The following FAM227B variants were observed in gnomAD, a reference collection of about 807,000 sequenced individuals.
FAM227B encodes the protein protein FAM227B.
FAM227B carries 88 observed loss-of-function variants against 73.8 expected under a neutral mutation model. The ratio of observed to expected loss-of-function variants is 1.19; its 90% CI spans 1.00 to 1.42. The LOEUF (loss-of-function observed/expected upper bound fraction) is 1.42. Among genes scored for constraint, FAM227B ranks in the 40% most tolerant of loss-of-function variants. The pLI, the probability that FAM227B is intolerant of heterozygous loss-of-function variation, is 0.00. For synonymous variants in FAM227B, 210 were observed against 190.5 expected, an observed-to-expected ratio of 1.10 and a Z score of -0.84; for missense variants, 632 against 590.9, an observed-to-expected ratio of 1.07 and a Z score of -0.72.
intron 10 of FAM227B, among the ~76,000 whole-genome samples, chr15:49,522,043 G>A (rs2059827354): frequency 6.6e-6 from 1 of 152,186 alleles, no homozygotes; most frequent in African/African-American, 2.4e-5. Flanking sequence ...AGCACACCAT[G>A]CTAGGGCAGG....
chr15:49,515,929 G>T (rs2059346646), intron 10 of FAM227B, among the ~76,000 whole-genome samples: 1 of 152,096 alleles, frequency 6.6e-6, no homozygotes, highest in Non-Finnish European at 1.5e-5. Flanking sequence ...TCAGCTCAGT[G>T]ATGGGCTATG....
intron 15 of FAM227B, chr15:49,329,166 G>A: frequency 1.0e-6 from 1 of 987,232 alleles, no homozygotes; most frequent in African/African-American, 1.7e-5. Context: ...ATGCAGGTAT[G>A]TGGGTGAAAG....
At chr15:49,613,007 A>G (rs1427990587) in intron 2 of FAM227B, among the ~76,000 whole-genome samples, 1 of 152,056 alleles carries the variant, frequency 6.6e-6, no homozygotes, top group Non-Finnish European at 1.5e-5. Flanking sequence ...GAGGCCGAGA[A>G]GGGTAGTGGG....
At chr15:49,583,251 G>C (rs2075928540) in intron 5 of FAM227B, among the ~76,000 whole-genome samples, 1 of 150,870 alleles carries the variant, frequency 6.6e-6, no homozygotes, top group African/African-American at 2.4e-5. Flanking sequence ...TAATAAAGAG[G>C]AAAACAGAGA....
chr15:49,341,996 T>C (rs1000598136), intron 13 of FAM227B, among the ~76,000 whole-genome samples: 8 of 152,094 alleles, frequency 5.3e-5, no homozygotes, highest in African/African-American at 1.9e-4. Context: ...ATGATAGCAA[T>C]GTATTTTCTG....
chr15:49,392,809 G>A (rs8030457), intron 11 of FAM227B, among the ~76,000 whole-genome samples: 24,645 of 152,136 alleles, frequency 0.16, 2,318 homozygotes, highest in Non-Finnish European at 0.21. Flanking sequence ...CTCTTAATGA[G>A]CCTAATTATT....
At chr15:49,535,380 A>C (rs2152245478) in intron 10 of FAM227B, among the ~76,000 whole-genome samples, 1 of 151,920 alleles carries the variant, frequency 6.6e-6, no homozygotes, top group African/African-American at 2.4e-5. Flanking sequence ...AGGAAGAAAT[A>C]GGAAGCTGGA....
chr15:49,389,915 G>C (rs1334295477), intron 11 of FAM227B, among the ~76,000 whole-genome samples: 1 of 151,958 alleles, frequency 6.6e-6, no homozygotes, highest in Admixed American at 6.6e-5. Context: ...ATCGTGCAAT[G>C]TCATAGACTC....
intron 11 of FAM227B, among the ~76,000 whole-genome samples, chr15:49,496,753 T>C (rs1365407126): frequency 6.6e-6 from 1 of 152,186 alleles, no homozygotes; most frequent in Non-Finnish European, 1.5e-5. Context: ...AAATATGTTT[T>C]AGATTAGAAG....
intron 13 of FAM227B, among the ~76,000 whole-genome samples, chr15:49,338,475 G>C (rs141541425): frequency 7.9e-5 from 12 of 152,318 alleles, no homozygotes; most frequent in African/African-American, 2.9e-4. Flanking sequence ...CTGGTTTGTA[G>C]GGTTTCTGCA....
intron 11 of FAM227B, among the ~76,000 whole-genome samples, chr15:49,382,247 A>C (rs1199019404): frequency 1.3e-5 from 2 of 152,086 alleles, no homozygotes; most frequent in Non-Finnish European, 2.9e-5. Context: ...GTATAAAACA[A>C]TAATGATTGA....
chr15:49,617,776 T>TTGTGTGTG (rs67917912), intron 1 of FAM227B, among the ~76,000 whole-genome samples: 66 of 148,210 alleles, frequency 4.5e-4, no homozygotes, highest in East Asian at 1.6e-3. Flanking sequence ...CTTTCATGTT[T>TTGTGTGTG]TGTGTGTGTG....
chr15:49,388,590 C>G (rs1363387564), intron 11 of FAM227B, among the ~76,000 whole-genome samples: 1 of 151,852 alleles, frequency 6.6e-6, no homozygotes, highest in Admixed American at 6.6e-5. Context: ...GAATTTATAA[C>G]AAAGATCCCA....
intron 11 of FAM227B, among the ~76,000 whole-genome samples, chr15:49,463,983 C>A (rs2054040814): frequency 6.6e-6 from 1 of 151,960 alleles, no homozygotes; most frequent in Non-Finnish European, 1.5e-5. Context: ...TAAAGCTGAT[C>A]TTTTTCATTG....
chr15:49,521,387 A>G (rs1443244033), intron 10 of FAM227B, among the ~76,000 whole-genome samples: 1 of 152,194 alleles, frequency 6.6e-6, no homozygotes, highest in East Asian at 1.9e-4. Context: ...GAAAGGGGCA[A>G]TGTTGTTCTG....
At chr15:49,349,272 C>A (rs1365213549) in intron 13 of FAM227B, among the ~76,000 whole-genome samples, 3 of 152,056 alleles carry the variant, frequency 2.0e-5, no homozygotes, top group African/African-American at 4.8e-5. Flanking sequence ...AAACAAAACT[C>A]CTTTGTTCAT....
intron 3 of FAM227B, among the ~76,000 whole-genome samples, chr15:49,603,544 G>A (rs1269816760): frequency 6.6e-6 from 1 of 152,006 alleles, no homozygotes; most frequent in Non-Finnish European, 1.5e-5. Context: ...AAGTCTTTAG[G>A]TTTTTCCAAA....
chr15:49,481,994 G>C (rs1423029985), intron 11 of FAM227B, among the ~76,000 whole-genome samples: 1 of 152,054 alleles, frequency 6.6e-6, no homozygotes, highest in African/African-American at 2.4e-5. Context: ...AAATAAATAA[G>C]AGAATGAAGT....
chr15:49,473,944 T>G lies in FAM227B; in HGVS notation c.1012+34267A>C, dbSNP rs906630885. ...AAAATGAGGAACATTCATCATTTGTTGCAGGGGAACAGTTGACATTTGCCT... is the reference window on the plus strand; with the variant it reads ...AAAATGAGGAACATTCATCATTTGTGGCAGGGGAACAGTTGACATTTGCCT... On this transcript the variant is annotated intron_variant, in intron 11 of 15. Coordinates refer to ENST00000299338, the MANE Select transcript of FAM227B (RefSeq NM_152647.3). 2.0e-5 allele frequency among the ~76,000 whole-genome samples: 3 copies of G among 152,150 alleles called. 1 individual carries two copies. The highest frequency in any genetic ancestry group is 7.2e-5 in the African/African-American group (3 of 41,456).
Sources: allele counts gnomAD v4.1 joint callset (sites outside exome capture counted in the v4.1 genomes callset), GRCh38; gene constraint gnomAD v4.1.1; transcripts MANE v1.5; gene names NCBI Gene and HGNC (gene_info 2026-07-23, HGNC 2026-07-21).